CNTN6: variants seen among roughly 807,000 people sequenced by gnomAD.
CNTN6 encodes contactin 6.
A neutral mutation model predicts 122.8 loss-of-function variants in CNTN6; 137 were observed. The observed-to-expected ratio is 1.12, with a 90% CI of 0.97 to 1.29. The LOEUF is 1.29. Among genes scored for constraint, CNTN6 ranks in the 50% most tolerant of loss-of-function variants. The pLI is 0.00. For synonymous variants in CNTN6, 570 were observed against 426.0 expected (o/e 1.34, Z -4.16); for missense variants, 1,634 against 1,223.4 (o/e 1.34, Z -5.01).
At chr3:1,096,925 TC>T (rs1340365191) in intron 1 of CNTN6, among the ~76,000 whole-genome samples, 1 of 152,170 alleles carries the variant, frequency 6.6e-6, no homozygotes, top group Non-Finnish European at 1.5e-5. Flanking sequence ...CTTTTATATT[TC>T]TCTTTATTGT....
intron 1 of CNTN6, among the ~76,000 whole-genome samples, chr3:1,143,550 C>A (rs1047976061): frequency 1.3e-5 from 2 of 152,108 alleles, no homozygotes; most frequent in Non-Finnish European, 2.9e-5. Flanking sequence ...CAGTGACTAG[C>A]AGAAATTTTA....
intron 4 of CNTN6, among the ~76,000 whole-genome samples, chr3:1,271,474 G>A (rs1239834333): frequency 6.6e-6 from 1 of 152,178 alleles, no homozygotes; most frequent in Non-Finnish European, 1.5e-5. Flanking sequence ...CAGTAAGGCT[G>A]ACACAGGCTC....
intron 5 of CNTN6, among the ~76,000 whole-genome samples, chr3:1,289,461 G>A (rs1694910498): frequency 6.6e-6 from 1 of 152,162 alleles, no homozygotes; most frequent in South Asian, 2.1e-4. Flanking sequence ...TTGTAAAAAT[G>A]AAGTGGTTGG....
intron 11 of CNTN6, among the ~76,000 whole-genome samples, chr3:1,351,805 C>A (rs1412224301): frequency 6.6e-6 from 1 of 151,794 alleles, no homozygotes; most frequent in Non-Finnish European, 1.5e-5. Context: ...GCCATGGAAC[C>A]ATATAGATAG....
At chr3:1,333,371 T>A (rs73819708) in intron 11 of CNTN6, among the ~76,000 whole-genome samples, 2 of 152,212 alleles carry the variant, frequency 1.3e-5, no homozygotes, top group East Asian at 1.9e-4. Flanking sequence ...ACACATTTTT[T>A]AATGCCACAC....
intron 2 of CNTN6, among the ~76,000 whole-genome samples, chr3:1,160,398 A>T (rs925616754): frequency 1.9e-4 from 26 of 136,890 alleles, no homozygotes; most frequent in Admixed American, 9.2e-4. Flanking sequence ...TTTAGTGTGT[A>T]TTCTTTCATT....
At chr3:1,283,075 C>G (rs989559868) in intron 5 of CNTN6, among the ~76,000 whole-genome samples, 1 of 151,956 alleles carries the variant, frequency 6.6e-6, no homozygotes, top group African/African-American at 2.4e-5. Flanking sequence ...CTGGTTCAAG[C>G]GATTCTCCTG....
At position 1,348,157 on chromosome 3, in the gene CNTN6, C is replaced by CAAAAAAAAAAAAAAAAAAAA. The variant is rs532282828; in HGVS notation, c.1365-4148_1365-4147insAAAAAAAAAAAAAAAAAAAA. Reference sequence around the variant, plus strand: ...AATATTAGTATTTCTATGCTATAGACAAAAAAAAAAAAAAAAAAAGGACTT... The same window carrying CAAAAAAAAAAAAAAAAAAAA: ...AATATTAGTATTTCTATGCTATAGACAAAAAAAAAAAAAAAAAAAAAAAAAAAAAAAAAAAAAAAGGACTT... On this transcript the variant is annotated intron_variant, in intron 11 of 22. Transcript: ENST00000446702. 1.3e-3 allele frequency among the ~76,000 whole-genome samples: 83 copies of CAAAAAAAAAAAAAAAAAAAA among 64,278 alleles called. 13 individuals carry two copies. The highest frequency in any genetic ancestry group is 1.6e-3 in the African/African-American group (24 of 14,590). 42.2% of individuals were successfully genotyped at this position (64,278 alleles called of 152,430 possible).
chr3:1,142,746 T>G (rs2092636454), intron 1 of CNTN6, among the ~76,000 whole-genome samples: 2 of 151,888 alleles, frequency 1.3e-5, no homozygotes, highest in South Asian at 4.1e-4. Flanking sequence ...CAGTGAAATT[T>G]TATTTACCAA....
At chr3:1,381,435 G>A (rs749435796) in intron 17 of CNTN6, among the ~76,000 whole-genome samples, 1 of 152,034 alleles carries the variant, frequency 6.6e-6, no homozygotes, top group Admixed American at 6.6e-5. Context: ...AGGTCATCTC[G>A]GGTAATGGGG....
intron 4 of CNTN6, among the ~76,000 whole-genome samples, chr3:1,263,192 A>G (rs890032476): frequency 6.6e-6 from 1 of 152,214 alleles, no homozygotes; most frequent in Non-Finnish European, 1.5e-5. Context: ...GAAATTGAAA[A>G]AAAATGAAAA....
At chr3:1,104,788 A>T (rs1204058567) in intron 1 of CNTN6, among the ~76,000 whole-genome samples, 1 of 152,050 alleles carries the variant, frequency 6.6e-6, no homozygotes, top group East Asian at 1.9e-4. Flanking sequence ...ACAAAATTGA[A>T]ATTAATGCAT....
At chr3:1,293,733 A>G (rs2125856661) in intron 5 of CNTN6, among the ~76,000 whole-genome samples, 1 of 152,178 alleles carries the variant, frequency 6.6e-6, no homozygotes, top group South Asian at 2.1e-4. Context: ...GTTGCAGTAT[A>G]TTCCCCTTCT....
chr3:1,248,779 C>T (rs1381934228), intron 4 of CNTN6, among the ~76,000 whole-genome samples: 2 of 151,914 alleles, frequency 1.3e-5, no homozygotes, highest in African/African-American at 4.8e-5. Context: ...GAGATCGTGC[C>T]ATTGCACTCC....
chr3:1,276,189 G>GT (rs1276845489), intron 4 of CNTN6, among the ~76,000 whole-genome samples: 1 of 152,126 alleles, frequency 6.6e-6, no homozygotes, highest in African/African-American at 2.4e-5. Flanking sequence ...TAACCAATGT[G>GT]TATTTTTTTA....
intron 12 of CNTN6, among the ~76,000 whole-genome samples, chr3:1,355,200 C>T (rs1325052870): frequency 6.6e-6 from 1 of 151,548 alleles, no homozygotes. Flanking sequence ...AAGAACTATC[C>T]TATGCAATAT....
intron 4 of CNTN6, among the ~76,000 whole-genome samples, chr3:1,246,177 C>T (rs568209259): frequency 1.1e-4 from 16 of 152,196 alleles, no homozygotes; most frequent in South Asian, 2.1e-4. Flanking sequence ...CCAGAAGGTC[C>T]GCCCATTATA....
At chr3:1,387,393 C>T (rs1693192054) in intron 20 of CNTN6, among the ~76,000 whole-genome samples, 1 of 152,188 alleles carries the variant, frequency 6.6e-6, no homozygotes, top group Non-Finnish European at 1.5e-5. Context: ...TGCCAGATAA[C>T]TTGGATGTAT....
intron 1 of CNTN6, among the ~76,000 whole-genome samples, chr3:1,112,507 C>T (rs1045113178): frequency 1.6e-4 from 25 of 152,052 alleles, no homozygotes; most frequent in Non-Finnish European, 1.3e-4. Flanking sequence ...GTTTCAATGT[C>T]GGAGGCAGGA....
Sources: gnomAD v4.1 joint callset for allele counts (sites outside exome capture counted in the v4.1 genomes callset) on GRCh38, gnomAD v4.1.1 for gene constraint, MANE v1.5 for transcripts, NCBI Gene and HGNC (gene_info 2026-07-23, HGNC 2026-07-21) for gene names.